Variants in GPR20 observed in about 807,000 individuals in gnomAD.
GPR20 encodes CTD-3064M3.3.
For synonymous variants in GPR20, 241 were observed against 241.9 expected (o/e 1.00, Z 0.04); for missense variants, 494 against 527.4 (o/e 0.94, Z 0.62).
At position 141,357,582 on chromosome 8, in the gene GPR20, G is replaced by T; in HGVS notation, c.342C>A (p.Tyr114Ter). 1 of 1,613,920 alleles carries T rather than the reference G, an allele frequency of 6.2e-7. No individual in the cohort carries two copies. Among genetic ancestry groups the T allele is most frequent in the Non-Finnish European group, 8.5e-7 (1 of 1,180,000 alleles). Residue 114 changes from tyrosine (Y) to a stop codon, truncating the protein, a stop_gained, in exon 2 of 2, where the codon TAC (tyrosine) becomes TAA (stop). Coordinates refer to ENST00000377741, the MANE Select transcript of GPR20 (RefSeq NM_005293.3). LOFTEE classifies it low-confidence loss of function (END_TRUNC). The stretch of plus-strand genomic sequence containing the variant: ...CACAGCGCAGGCAGCCCCTGGCGCC[G>T]TAGTACACAGCGAAGCGCGTGGGCA... Reference protein sequence around the residue: ...LSLPTRFAVYYGARGCLRCAF... With the variant: ...LSLPTRFAVY
Position 141,357,251 on chromosome 8 carries a change from G to T in GPR20, c.673C>A (p.Arg225=), listed in dbSNP as rs764571399. 4 of 1,545,382 alleles carry T rather than the reference G, an allele frequency of 2.6e-6. No homozygotes were observed. Among genetic ancestry groups the T allele is most frequent in the Admixed American group, 2.0e-5 (1 of 51,272 alleles). The change falls in exon 2 of 2, where the codon CGG becomes AGG. Residue 225 remains arginine (R), a synonymous_variant. Coordinates refer to ENST00000377741, the MANE Select transcript of GPR20 (RefSeq NM_005293.3). ...CGACCCTGGTGGAGCAGACCCGGCC[G>T]CGACAGTGCACACATGATGCGGCCG... ...FTGRIMCALS[R]PGLLHQGRQR...
intron 1 of GPR20, among the ~76,000 whole-genome samples, chr8:141,364,966 A>T (rs1174559087): frequency 2.0e-5 from 3 of 152,158 alleles, no homozygotes; most frequent in African/African-American, 4.8e-5. Flanking sequence ...AGCTGCTGGG[A>T]CAGGCATTCT....
At chr8:141,360,090 G>A (rs1175852199) in intron 1 of GPR20, among the ~76,000 whole-genome samples, 1 of 152,150 alleles carries the variant, frequency 6.6e-6, no homozygotes, top group South Asian at 2.1e-4. Context: ...CAGCAACGCT[G>A]CGGTGCTGGG....
intron 1 of GPR20, among the ~76,000 whole-genome samples, chr8:141,362,444 G>T (rs116103130): frequency 6.6e-6 from 1 of 152,218 alleles, no homozygotes; most frequent in Non-Finnish European, 1.5e-5. Flanking sequence ...CCAGCACCCA[G>T]ATTGGCCTGG....
In GPR20 at chr8:141,357,853, C is replaced by A. The variant is rs370443305; in HGVS notation, c.71G>T (p.Arg24Leu). ...VPNATAVTTVRTNASGLEVPL... is the reference protein window; with the variant it reads ...VPNATAVTTVLTNASGLEVPL... ...CACCTCCAGCCCGCTGGCATTGGTC[C>A]GCACTGTTGTCACTGCGGTGGCATT... The change falls in exon 2 of 2, where the codon CGG becomes CTG. Residue 24 changes from arginine (R) to leucine (L), a missense_variant. Arg to Leu is a moderately radical substitution (Grantham distance 102). Coordinates refer to ENST00000377741, the MANE Select transcript of GPR20 (RefSeq NM_005293.3). 1 of 1,612,082 alleles carries A rather than the reference C, an allele frequency of 6.2e-7. No homozygotes were observed. Among genetic ancestry groups the A allele is most frequent in the Non-Finnish European group, 8.5e-7 (1 of 1,179,290 alleles).
chr8:141,357,642 G>C lies in GPR20; in HGVS notation c.282C>G (p.Asn94Lys). 1.2e-6 allele frequency: 2 copies of C among 1,613,958 alleles called. No homozygotes were observed. The highest frequency in any genetic ancestry group is 1.7e-6 in the Non-Finnish European group (2 of 1,179,970). The stretch of plus-strand genomic sequence containing the variant: ...CTACCAGTAGATCGGTCACCACCAG[G>C]TTGATGGTGTAGATGACTGAGGGTG... Reference protein sequence around the residue: ...AKTPSVIYTINLVVTDLLVGL... With the variant: ...AKTPSVIYTIKLVVTDLLVGL... Residue 94 changes from asparagine (N) to lysine (K), a missense_variant, in exon 2 of 2, where the codon AAC becomes AAG. Transcript: ENST00000377741.
intron 1 of GPR20, among the ~76,000 whole-genome samples, chr8:141,365,872 G>T (rs750392748): frequency 3.9e-5 from 6 of 152,160 alleles, no homozygotes; most frequent in Non-Finnish European, 7.4e-5. Flanking sequence ...GGCTTCCTTC[G>T]CAGTGCCCTG....
At chr8:141,364,824 G>T (rs1273651738) in intron 1 of GPR20, among the ~76,000 whole-genome samples, 2 of 152,116 alleles carry the variant, frequency 1.3e-5, no homozygotes, top group African/African-American at 4.8e-5. Flanking sequence ...GGCATGGCCA[G>T]TTGGAGGTCC....
intron 1 of GPR20, among the ~76,000 whole-genome samples, chr8:141,361,235 C>T (rs1831730307): frequency 6.6e-6 from 1 of 152,206 alleles, no homozygotes; most frequent in African/African-American, 2.4e-5. Context: ...TCCCCACCCA[C>T]ACACAGGTAC....
intron 1 of GPR20, among the ~76,000 whole-genome samples, chr8:141,359,887 T>C (rs181217631): frequency 6.6e-6 from 1 of 152,262 alleles, no homozygotes; most frequent in East Asian, 1.9e-4. Context: ...GCCAAAAAAG[T>C]ATTTTGGGAT....
intron 1 of GPR20, among the ~76,000 whole-genome samples, chr8:141,362,903 G>A (rs533643388): frequency 2.8e-4 from 43 of 152,064 alleles, no homozygotes; most frequent in African/African-American, 8.2e-4. Context: ...ACAGGTGCCC[G>A]TGCCACACCT....
chr8:141,357,417 G>A lies in GPR20; in HGVS notation c.507C>T (p.Ala169=), dbSNP rs369112739. 2.9e-4 allele frequency: 459 copies of A among 1,604,976 alleles called. No homozygotes were observed. The highest frequency in any genetic ancestry group is 3.7e-4 in the Non-Finnish European group (441 of 1,177,128). Reference sequence around the variant, plus strand: ...CGGCCAGCCACACGAAGGCGCACACGGCCCTGGCACAGGCAGGCTGGCGGC... The same window carrying A: ...CGGCCAGCCACACGAAGGCGCACACAGCCCTGGCACAGGCAGGCTGGCGGC... ...RRCRQPACAR[A]VCAFVWLAAG... The change falls in exon 2 of 2, where the codon GCC becomes GCT. Residue 169 remains alanine (A), a synonymous_variant. Transcript: ENST00000377741.
At chr8:141,363,637 T>G (rs1831771257) in intron 1 of GPR20, among the ~76,000 whole-genome samples, 5 of 152,242 alleles carry the variant, frequency 3.3e-5, no homozygotes, top group Admixed American at 3.3e-4. Context: ...TGCTGGCACC[T>G]GCCCAGAGGC....
chr8:141,364,617 T>C (rs1258759254), intron 1 of GPR20, among the ~76,000 whole-genome samples: 1 of 152,188 alleles, frequency 6.6e-6, no homozygotes, highest in Non-Finnish European at 1.5e-5. Flanking sequence ...GAAGGACACC[T>C]GGGCCCCATC....
intron 1 of GPR20, among the ~76,000 whole-genome samples, chr8:141,362,614 G>A (rs1831750492): frequency 6.6e-6 from 1 of 152,108 alleles, no homozygotes; most frequent in South Asian, 2.1e-4. Context: ...TCTTGGTACT[G>A]GTCTGGAATT....
rs558333277 is a variant in GPR20 at position 141,356,969 on chromosome 8, C to T, written c.955G>A (p.Glu319Lys). 3.1e-6 allele frequency: 5 copies of T among 1,613,170 alleles called. No individual in the cohort carries two copies. The highest frequency in any genetic ancestry group is 1.3e-5 in the African/African-American group (1 of 75,084). The change falls in exon 2 of 2, where the codon GAG becomes AAG. Residue 319 changes from glutamate (E) to lysine (K), a missense_variant. Coordinates refer to ENST00000377741, the MANE Select transcript of GPR20 (RefSeq NM_005293.3). ...CTGACCACGTCACCGCTGCTGGGCT[C>T]ACGCTCTCCGTGCTGGCCGAAGAGG... The part of the protein sequence containing the change: ...RGLFGQHGER[E>K]PSSGDVVSMH...
Position 141,356,809 on chromosome 8 carries a change from T to A in GPR20, c.*38A>T, listed in dbSNP as rs752882280. 6.9e-7 allele frequency: 1 copy of A among 1,445,538 alleles called. No individual in the cohort carries two copies. The highest frequency in any genetic ancestry group is 2.0e-5 in the Admixed American group (1 of 49,018). The allele number at this position is 1,445,538 out of a possible 1,614,324, so 89.5% of individuals were successfully genotyped here. ...GGGTGTCCACGCTGGCATGCCCAGA[T>A]GAGTCCTGACCTTCGGCCCCTGGCA... On this transcript the variant is annotated 3_prime_UTR_variant, in exon 2 of 2. Coordinates refer to ENST00000377741, the MANE Select transcript of GPR20 (RefSeq NM_005293.3).
chr8:141,364,415 C>T (rs902303480), intron 1 of GPR20, among the ~76,000 whole-genome samples: 7 of 152,224 alleles, frequency 4.6e-5, no homozygotes, highest in African/African-American at 1.2e-4. Flanking sequence ...GTTTCTTCCA[C>T]CAAGAGGCAG....
chr8:141,358,579 ACCGTCATGGCC>A (rs1348379578), intron 1 of GPR20, among the ~76,000 whole-genome samples: 1 of 151,858 alleles, frequency 6.6e-6, no homozygotes, highest in Non-Finnish European at 1.5e-5. Flanking sequence ...CCCCACACCC[ACCGTCATGGCC>A]CCCATCCTCC....
Sources: allele counts gnomAD v4.1 joint callset (sites outside exome capture counted in the v4.1 genomes callset), GRCh38; gene constraint gnomAD v4.1.1; transcripts MANE v1.5; gene names NCBI Gene and HGNC (gene_info 2026-07-23, HGNC 2026-07-21).